ASPH: variants seen among roughly 807,000 people sequenced by gnomAD.
ASPH encodes aspartate beta-hydroxylase.
In ASPH, 100 loss-of-function variants were observed where a neutral mutation model predicts 118.4. The ratio of observed to expected loss-of-function variants is 0.84; its 90% confidence interval spans 0.72 to 1.00. The LOEUF (loss-of-function observed/expected upper bound fraction) is 1.00, where lower values mean the gene tolerates loss of function less well. ASPH is among the 50% of genes least tolerant of loss of function. The probability of loss-of-function intolerance (pLI) is 0.00; values close to 1 mark genes in which losing one functional copy is unlikely to be tolerated. For missense variants in ASPH, 920 were observed against 919.5 expected (o/e 1.00, Z -0.01); for synonymous variants, 315 against 325.6 (o/e 0.97, Z 0.35).
chr8:61,677,315 A>G (rs1056830491), intron 3 of ASPH, among the ~76,000 whole-genome samples: 26 of 152,148 alleles, frequency 1.7e-4, no homozygotes, highest in African/African-American at 5.3e-4. Context: ...TAGGTATCAG[A>G]ATCTACCAAG....
chr8:61,565,459 T>C (rs780106631), intron 17 of ASPH, among the ~76,000 whole-genome samples: 1 of 152,210 alleles, frequency 6.6e-6, no homozygotes, highest in Admixed American at 6.5e-5. Context: ...AGGCAAATTA[T>C]ACAAGCTATC....
At chr8:61,563,815 A>G (rs1343291907) in intron 17 of ASPH, among the ~76,000 whole-genome samples, 3 of 152,094 alleles carry the variant, frequency 2.0e-5, no homozygotes, top group Admixed American at 6.5e-5. Context: ...ATCTCCTATT[A>G]TCCACAACAA....
intron 20 of ASPH, among the ~76,000 whole-genome samples, chr8:61,552,735 C>G (rs1033706183): frequency 1.3e-5 from 2 of 152,138 alleles, no homozygotes; most frequent in East Asian, 3.8e-4. Flanking sequence ...CACACACACA[C>G]AGATACACAC....
At chr8:61,616,533 G>C (rs2134119853) in intron 14 of ASPH, among the ~76,000 whole-genome samples, 2 of 152,296 alleles carry the variant, frequency 1.3e-5, no homozygotes, top group Middle Eastern at 6.8e-3. Flanking sequence ...GCTCTGTTTG[G>C]TACACAGATG....
chr8:61,500,790 T>TTTAG lies in ASPH; in HGVS notation c.*2565_*2568dup, dbSNP rs1411397686. The TTTAG allele has an allele frequency of 3.3e-5, 5 of 152,224 alleles. No individual in the cohort carries two copies. Among genetic ancestry groups the TTTAG allele is most frequent in the South Asian group, 2.1e-4 (1 of 4,834 alleles). 9.4% of individuals were successfully genotyped at this position (152,224 alleles called of 1,614,324 possible). The stretch of plus-strand genomic sequence containing the variant: ...GGTGCTCAAAGTCAAACAAAAATAT[T>TTTAG]TTAGTTAATAATGGGCAGTAAAATA... On this transcript the variant is annotated 3_prime_UTR_variant, in exon 25 of 25. Coordinates refer to ENST00000379454, the MANE Select transcript of ASPH (RefSeq NM_004318.4).
At chr8:61,626,399 G>A in intron 13 of ASPH, 1 of 1,276,300 alleles carries the variant, frequency 7.8e-7, no homozygotes, top group East Asian at 3.1e-5. Flanking sequence ...TTTTTTTGGT[G>A]TTTGTTTTTA....
intron 24 of ASPH, among the ~76,000 whole-genome samples, chr8:61,506,076 A>G (rs1277957510): frequency 1.3e-5 from 2 of 152,264 alleles, no homozygotes; most frequent in Non-Finnish European, 2.9e-5. Context: ...CCACCCACGT[A>G]TCTATCAGTG....
At position 61,503,287 on chromosome 8, in the gene ASPH, C is replaced by G; in HGVS notation, c.*72G>C. ...TGACTCTTGGTGTTCGAAATTCTATCCTCACACCCAAGGAGATGGAACCAG... is the reference window on the plus strand; with the variant it reads ...TGACTCTTGGTGTTCGAAATTCTATGCTCACACCCAAGGAGATGGAACCAG... On this transcript the variant is annotated 3_prime_UTR_variant, in exon 25 of 25. Coordinates refer to ENST00000379454, the MANE Select transcript of ASPH (RefSeq NM_004318.4). The G allele has an allele frequency of 1.3e-6, 2 of 1,504,762 alleles. No individual in the cohort carries two copies. Among genetic ancestry groups the G allele is most frequent in the Non-Finnish European group, 1.8e-6 (2 of 1,119,104 alleles). The allele number at this position is 1,504,762 out of a possible 1,614,324, so 93.2% of individuals were successfully genotyped here. A position where few individuals can be genotyped will look rare whatever the true frequency, so the allele number is the denominator to read the frequency against.
chr8:61,647,917 C>T (rs141964296), intron 5 of ASPH, among the ~76,000 whole-genome samples: 365 of 152,232 alleles, frequency 2.4e-3, no homozygotes, highest in African/African-American at 7.8e-3. Flanking sequence ...CTGGGTATTG[C>T]ATCCCAATGT....
intron 2 of ASPH, among the ~76,000 whole-genome samples, chr8:61,683,355 GA>G (rs1415269175): frequency 2.6e-5 from 4 of 152,074 alleles, no homozygotes; most frequent in Non-Finnish European, 5.9e-5. Context: ...TTGGGGAAGT[GA>G]AGGAGAATGT....
chr8:61,626,386 T>C, intron 13 of ASPH: 1 of 1,274,464 alleles, frequency 7.8e-7, no homozygotes, highest in Non-Finnish European at 1.0e-6. Flanking sequence ...CAAAGTAATT[T>C]TTTTTTTTTG....
intron 22 of ASPH, among the ~76,000 whole-genome samples, chr8:61,519,992 T>C (rs750209704): frequency 6.6e-6 from 1 of 152,230 alleles, no homozygotes; most frequent in African/African-American, 2.4e-5. Flanking sequence ...GCTTATATTA[T>C]ATTTCTAACT....
intron 22 of ASPH, among the ~76,000 whole-genome samples, chr8:61,523,779 C>G (rs1814164051): frequency 6.6e-6 from 1 of 152,088 alleles, no homozygotes; most frequent in African/African-American, 2.4e-5. Flanking sequence ...TAAAATAAAA[C>G]TAGAAATTCA....
At chr8:61,558,103 T>G (rs1828511814) in intron 18 of ASPH, among the ~76,000 whole-genome samples, 1 of 152,026 alleles carries the variant, frequency 6.6e-6, no homozygotes, top group Non-Finnish European at 1.5e-5. Context: ...CTCACTCAAG[T>G]GAGGGAGACA....
chr8:61,653,599 A>C lies in ASPH; in HGVS notation c.384T>G (p.Thr128=), dbSNP rs1298364337. 6.2e-7 allele frequency: 1 copy of C among 1,613,956 alleles called. No individual in the cohort carries two copies. ...CCACAGGAACCTGCTCCTCGGGCTC[A>C]GTGTGTGGCTCAGCCTCTTCTGGCG... The part of the protein sequence containing the change: ...AVPPEEAEPH[T]EPEEQVPVEA... Residue 128 remains threonine (T), a synonymous_variant, in exon 4 of 25, where the codon ACT becomes ACG. Coordinates refer to ENST00000379454, the MANE Select transcript of ASPH (RefSeq NM_004318.4).
rs559306332 is a variant in ASPH at position 61,574,870 on chromosome 8, C to CA, written c.1149+1901dup. Among the ~76,000 whole-genome samples the CA allele has an allele frequency of 5.8e-4, 88 of 151,744 alleles. 1 individual carries two copies. The Middle Eastern group carries it at 0.027, about 47-fold the overall frequency. ...AACAAACAAACAAATAAACAAAACC[C>CA]AAAAAAACAAACAAACCCTCCCATG... On this transcript the variant is annotated intron_variant, in intron 16 of 24. Coordinates refer to ENST00000379454, the MANE Select transcript of ASPH (RefSeq NM_004318.4).
intron 22 of ASPH, 128 bp downstream of exon 22, chr8:61,525,849 G>GT (rs1455652304): frequency 4.5e-6 from 6 of 1,337,744 alleles, no homozygotes; most frequent in East Asian, 2.3e-5. Flanking sequence ...AAAAATCTAG[G>GT]TTTTTTTGGG....
Position 61,578,405 on chromosome 8 carries a change from C to A in ASPH, c.1063-1547G>T, listed in dbSNP as rs112202609. ...ATAGTGGGGCCAGCGGCATGGGAGGCATCACCGCAGTCATGGTCAACCAGA... is the reference window on the plus strand; with the variant it reads ...ATAGTGGGGCCAGCGGCATGGGAGGAATCACCGCAGTCATGGTCAACCAGA... On this transcript the variant is annotated intron_variant, in intron 15 of 24. Coordinates refer to ENST00000379454, the MANE Select transcript of ASPH (RefSeq NM_004318.4). 3 of 1,604,172 alleles carry A rather than the reference C, an allele frequency of 1.9e-6. No homozygotes were observed. In the African/African-American group the frequency reaches 4.0e-5, roughly 21 times the overall value.
chr8:61,692,439 C>T (rs1290933346), intron 1 of ASPH, among the ~76,000 whole-genome samples: 1 of 152,208 alleles, frequency 6.6e-6, no homozygotes, highest in Non-Finnish European at 1.5e-5. Context: ...TTCCTTGTAA[C>T]AGCTACTGGT....
Sources: gnomAD v4.1 joint callset for allele counts (sites outside exome capture counted in the v4.1 genomes callset) on GRCh38, gnomAD v4.1.1 for gene constraint, MANE v1.5 for transcripts, NCBI Gene and HGNC (gene_info 2026-07-23, HGNC 2026-07-21) for gene names.